Variants in SNX29 observed in about 807,000 individuals in gnomAD.
SNX29 encodes sorting nexin 29, also known as sorting nexin-29.
In SNX29, 78 loss-of-function variants were observed where a neutral mutation model predicts 102.1. The observed-to-expected ratio is 0.76, with a 90% CI of 0.64 to 0.92. The LOEUF (loss-of-function observed/expected upper bound fraction) is 0.92, where lower values mean the gene tolerates loss of function less well. SNX29 is among the 40% of genes least tolerant of loss of function. SNX29 has a pLI of 0.00. For missense variants in SNX29, 1,280 were observed against 1,061.7 expected, an observed-to-expected ratio of 1.21 and a Z score of -2.86; for synonymous variants, 580 against 414.5, an observed-to-expected ratio of 1.40 and a Z score of -4.85.
chr16:12,317,406 A>G (rs2080785524), intron 15 of SNX29, among the ~76,000 whole-genome samples: 1 of 152,180 alleles, frequency 6.6e-6, no homozygotes, highest in Non-Finnish European at 1.5e-5. Context: ...CTGTCCTTAC[A>G]ATGGGGCTTA....
intron 19 of SNX29, among the ~76,000 whole-genome samples, chr16:12,486,120 G>A (rs2088217469): frequency 6.6e-6 from 1 of 152,210 alleles, no homozygotes; most frequent in East Asian, 1.9e-4. Flanking sequence ...GCCTTTTCCA[G>A]CTTAGAGGCT....
At chr16:12,358,350 A>T (rs1326669715) in intron 16 of SNX29, among the ~76,000 whole-genome samples, 1 of 152,156 alleles carries the variant, frequency 6.6e-6, no homozygotes, top group Non-Finnish European at 1.5e-5. Context: ...AGGGCAGATC[A>T]CTTGAGATCA....
At chr16:12,508,924 A>G (rs554830015) in intron 19 of SNX29, among the ~76,000 whole-genome samples, 2 of 152,292 alleles carry the variant, frequency 1.3e-5, no homozygotes, top group East Asian at 1.9e-4. Context: ...CCTGGCCATA[A>G]TACTTATCTC....
chr16:12,445,156 T>A (rs2085991572), intron 18 of SNX29, among the ~76,000 whole-genome samples: 1 of 144,816 alleles, frequency 6.9e-6, no homozygotes, highest in Admixed American at 6.7e-5. Flanking sequence ...TGGCTGACAG[T>A]TTTTTTTTGT....
chr16:12,033,532 A>T (rs2057397748), intron 4 of SNX29, among the ~76,000 whole-genome samples: 1 of 151,782 alleles, frequency 6.6e-6, no homozygotes, highest in Non-Finnish European at 1.5e-5. Flanking sequence ...TACATGGTTC[A>T]CCTGGACTGT....
chr16:12,454,947 C>G (rs773384807), intron 18 of SNX29, among the ~76,000 whole-genome samples: 1 of 152,130 alleles, frequency 6.6e-6, no homozygotes, highest in Non-Finnish European at 1.5e-5. Context: ...GGGGTTTCAC[C>G]ATTTTGGCCA....
At chr16:12,030,059 G>A (rs1370619053) in intron 4 of SNX29, among the ~76,000 whole-genome samples, 3 of 152,194 alleles carry the variant, frequency 2.0e-5, no homozygotes, top group Non-Finnish European at 2.9e-5. Context: ...GCAGCCTTGG[G>A]CAATGAGGAT....
intron 13 of SNX29, among the ~76,000 whole-genome samples, chr16:12,144,540 T>G (rs1299018027): frequency 6.6e-6 from 1 of 152,176 alleles, no homozygotes; most frequent in Non-Finnish European, 1.5e-5. Flanking sequence ...CTGGGCTCCT[T>G]TTTCCGTTAC....
intron 18 of SNX29, among the ~76,000 whole-genome samples, chr16:12,438,919 C>G (rs2902962): frequency 0.39 from 59,738 of 151,978 alleles, 11,830 homozygotes; most frequent in South Asian, 0.48. Flanking sequence ...GAGAGGGAAA[C>G]ACAGCAGGGA....
intron 18 of SNX29, among the ~76,000 whole-genome samples, chr16:12,466,346 G>A (rs2087050917): frequency 1.3e-5 from 2 of 152,198 alleles, no homozygotes; most frequent in East Asian, 3.8e-4. Context: ...AATCTGGTGT[G>A]TTTATATACA....
chr16:12,380,614 A>G (rs1330137653), intron 16 of SNX29, among the ~76,000 whole-genome samples: 1 of 91,586 alleles, frequency 1.1e-5, no homozygotes, highest in Non-Finnish European at 2.2e-5. Flanking sequence ...TCCACCATCC[A>G]TCCATCCACC....
rs1662251062 is a variant in SNX29 at position 12,572,351 on chromosome 16, G to C, written c.*3722G>C. ...AGCCCACCAGCCTGCCTGGTTGATG[G>C]ACAGCAGGCTCTGCCTTCTGGAGGC... On this transcript the variant is annotated 3_prime_UTR_variant, in exon 21 of 21. Transcript: ENST00000566228. The C allele has an allele frequency of 1.9e-6, 2 of 1,063,206 alleles. No individual in the cohort carries two copies. The highest frequency in any genetic ancestry group is 1.6e-5 in the African/African-American group (1 of 61,078). 65.9% of individuals were successfully genotyped at this position (1,063,206 alleles called of 1,614,324 possible).
At chr16:12,013,500 A>AAATATATATATATATATATATAT in intron 3 of SNX29, among the ~76,000 whole-genome samples, 2 of 31,628 alleles carry the variant, frequency 6.3e-5, no homozygotes, top group African/African-American at 2.0e-4. Context: ...AAAAAAAAAA[A>AAATATATATATATATATATATAT]ATATATATAT....
intron 16 of SNX29, among the ~76,000 whole-genome samples, chr16:12,376,277 C>T (rs984393799): frequency 6.6e-6 from 1 of 152,206 alleles, no homozygotes; most frequent in African/African-American, 2.4e-5. Context: ...AGCGAGTTGT[C>T]ACAGGCTGAA....
intron 11 of SNX29, among the ~76,000 whole-genome samples, chr16:12,080,735 AG>A (rs1180093453): frequency 6.8e-6 from 1 of 146,570 alleles, no homozygotes; most frequent in African/African-American, 2.6e-5. Context: ...CTTGTCTCCC[AG>A]GCTGGAGTGC....
intron 20 of SNX29, among the ~76,000 whole-genome samples, chr16:12,534,448 C>T (rs948128462): frequency 7.9e-5 from 12 of 152,174 alleles, no homozygotes; most frequent in African/African-American, 2.4e-4. Context: ...GTAGAAAGAA[C>T]GCAGATTAGG....
chr16:12,420,457 G>A (rs756171176), intron 18 of SNX29, among the ~76,000 whole-genome samples: 19 of 152,160 alleles, frequency 1.2e-4, no homozygotes, highest in Admixed American at 2.6e-4. Flanking sequence ...TGGGAAGCCC[G>A]TGGGTCTGCT....
chr16:12,173,613 A>G (rs1038597789), intron 13 of SNX29, among the ~76,000 whole-genome samples: 3 of 152,286 alleles, frequency 2.0e-5, no homozygotes, highest in Admixed American at 6.5e-5. Flanking sequence ...GGAGAAGCTT[A>G]TATCTGTTAA....
Position 11,993,206 on chromosome 16 carries a change from T to C in SNX29, c.8-6091T>C, listed in dbSNP as rs527236632. On this transcript the variant is annotated intron_variant, in intron 1 of 20. Coordinates refer to ENST00000566228, the MANE Select transcript of SNX29 (RefSeq NM_032167.5). ...ATAAATAAATAAATAAATATCTGTG[T>C]GGCCTTGATTAAGGGGCTTGACCTC... is the stretch of plus-strand genomic sequence containing the variant. Among the ~76,000 whole-genome samples, 13 of 152,124 alleles carry C rather than the reference T, an allele frequency of 8.5e-5. 1 individual carries two copies. The East Asian group carries it at 2.5e-3, about 29-fold the overall frequency.
Sources: gnomAD v4.1 joint callset for allele counts (sites outside exome capture counted in the v4.1 genomes callset) on GRCh38, gnomAD v4.1.1 for gene constraint, MANE v1.5 for transcripts, NCBI Gene and HGNC (gene_info 2026-07-23, HGNC 2026-07-21) for gene names.